TMEM229B: variants seen among roughly 807,000 people sequenced by gnomAD.
The protein encoded by TMEM229B is transmembrane protein 229B, also known as chromosome 14 open reading frame 83.
Under a neutral mutation model 13.7 loss-of-function variants are expected in TMEM229B, and 6 were observed. The observed-to-expected ratio is 0.44, with a 90% confidence interval of 0.24 to 0.86. TMEM229B has a LOEUF of 0.86. Ranked by LOEUF, TMEM229B falls within the 40% of genes least tolerant of loss-of-function variation. The pLI is 0.23. For missense variants in TMEM229B, 170 were observed against 236.0 expected, an observed-to-expected ratio of 0.72 and a Z score of 1.83; for synonymous variants, 107 against 102.1, an observed-to-expected ratio of 1.05 and a Z score of -0.29.
At position 67,497,375 on chromosome 14, in the gene TMEM229B, G is replaced by A. The variant is rs144504207; in HGVS notation, c.-191-10203C>T. ...ATACCGAGACACTGTAGCGCAGGCCGAGAACGCAGGTATCCCAGTCCTGGG... is the reference window on the plus strand; with the variant it reads ...ATACCGAGACACTGTAGCGCAGGCCAAGAACGCAGGTATCCCAGTCCTGGG... On this transcript the variant is annotated intron_variant, in intron 1 of 2. Transcript: ENST00000357461. Among the ~76,000 whole-genome samples the A allele has an allele frequency of 1.1e-4, 17 of 152,196 alleles. 2 individuals are homozygous for A. Among genetic ancestry groups the A allele is most frequent in the African/African-American group, 3.4e-4 (14 of 41,514 alleles).
chr14:67,479,914 G>C (rs965659719), intron 2 of TMEM229B, among the ~76,000 whole-genome samples: 1 of 152,142 alleles, frequency 6.6e-6, no homozygotes, highest in Non-Finnish European at 1.5e-5. Flanking sequence ...TGGCCAGCTG[G>C]TTAAGTTCAG....
chr14:67,494,401 A>T (rs2032286854), intron 1 of TMEM229B, among the ~76,000 whole-genome samples: 1 of 152,206 alleles, frequency 6.6e-6, no homozygotes, highest in Non-Finnish European at 1.5e-5. Flanking sequence ...TCACAGTGCT[A>T]GTAAGGGCAG....
chr14:67,501,044 TTAATAA>T (rs71129826), intron 1 of TMEM229B, among the ~76,000 whole-genome samples: 7,555 of 137,310 alleles, frequency 0.055, 221 homozygotes, highest in African/African-American at 0.07. Context: ...TACTTGGGGG[TTAATAA>T]TAATAATAAT....
At chr14:67,478,820 T>A (rs1000810147) in intron 2 of TMEM229B, among the ~76,000 whole-genome samples, 7 of 152,118 alleles carry the variant, frequency 4.6e-5, no homozygotes, top group South Asian at 2.1e-4. Flanking sequence ...CCCTTCTCTG[T>A]GGTAATAGTG....
intron 1 of TMEM229B, among the ~76,000 whole-genome samples, chr14:67,500,156 C>T (rs964548733): frequency 1.3e-5 from 2 of 151,970 alleles, no homozygotes; most frequent in African/African-American, 2.4e-5. Context: ...AGAGTGAGAC[C>T]CTGTCTCTTA....
At chr14:67,487,948 T>A (rs182220261) in intron 1 of TMEM229B, among the ~76,000 whole-genome samples, 1 of 152,228 alleles carries the variant, frequency 6.6e-6, no homozygotes, top group South Asian at 2.1e-4. Flanking sequence ...ATGTTTTTAC[T>A]ACTATCCCTA....
chr14:67,530,367 A>G (rs1004110316), intron 1 of TMEM229B, among the ~76,000 whole-genome samples: 1 of 152,136 alleles, frequency 6.6e-6, no homozygotes, highest in Non-Finnish European at 1.5e-5. Flanking sequence ...TAAGTGATAA[A>G]GCTTAAACTG....
At chr14:67,505,415 C>T (rs1409721757) in intron 1 of TMEM229B, among the ~76,000 whole-genome samples, 5 of 152,204 alleles carry the variant, frequency 3.3e-5, no homozygotes, top group Admixed American at 3.3e-4. Context: ...CCTCTTGAGA[C>T]ATCCAAAGGG....
intron 2 of TMEM229B, among the ~76,000 whole-genome samples, chr14:67,482,066 G>A (rs1386973118): frequency 6.6e-6 from 1 of 152,214 alleles, no homozygotes; most frequent in Non-Finnish European, 1.5e-5. Flanking sequence ...CCTCATACCT[G>A]ATGAAAGGGC....
At chr14:67,491,082 T>C (rs941366576), upstream of TMEM229B, among the ~76,000 whole-genome samples, 4 of 152,216 alleles carry the variant, frequency 2.6e-5, no homozygotes, top group Non-Finnish European at 5.9e-5. Context: ...TCGTCACCTA[T>C]ACTTCTGAAC....
rs1425860947 is a variant in TMEM229B at position 67,473,183 on chromosome 14, C to T, written c.*237G>A. ...CCTGGTACCAACCCCTGAACTGGGCCGCGATCCATGGACCCTTCCCAATGT... is the reference window on the plus strand; with the variant it reads ...CCTGGTACCAACCCCTGAACTGGGCTGCGATCCATGGACCCTTCCCAATGT... On this transcript the variant is annotated 3_prime_UTR_variant, in exon 3 of 3. Transcript: ENST00000554480. This position sits in a 1 kb window ranked among gnomAD's most constrained non-coding sequence, Gnocchi z 6.5. 7.2e-6 allele frequency: 4 copies of T among 557,124 alleles called. No individual in the cohort carries two copies. Among genetic ancestry groups the T allele is most frequent in the Non-Finnish European group, 1.3e-5 (4 of 315,468 alleles). The allele number at this position is 557,124 out of a possible 1,614,324, so 34.5% of individuals were successfully genotyped here.
intron 2 of TMEM229B, among the ~76,000 whole-genome samples, chr14:67,474,911 CTTCTT>C (rs1227045145): frequency 1.0e-4 from 13 of 124,378 alleles, no homozygotes; most frequent in African/African-American, 4.8e-4. Flanking sequence ...TCAGAATTTC[CTTCTT>C]TTTTTTTTTT....
upstream of TMEM229B, among the ~76,000 whole-genome samples, chr14:67,519,851 T>C (rs1311035300): frequency 2.6e-5 from 4 of 152,154 alleles, no homozygotes; most frequent in Non-Finnish European, 5.9e-5. Context: ...GCCTCCCATG[T>C]AGCTGGGACT....
At chr14:67,520,370 C>G (rs1192868277), upstream of TMEM229B, among the ~76,000 whole-genome samples, 1 of 152,236 alleles carries the variant, frequency 6.6e-6, no homozygotes, top group African/African-American at 2.4e-5. Flanking sequence ...CTGGCAACCA[C>G]TGTTCTTTTC....
chr14:67,500,222 T>A (rs1030847160), intron 1 of TMEM229B, among the ~76,000 whole-genome samples: 1 of 152,022 alleles, frequency 6.6e-6, no homozygotes, highest in African/African-American at 2.4e-5. Flanking sequence ...ATACCTGTAA[T>A]CCCAGCACTT....
At chr14:67,522,098 G>A (rs570961692) in intron 1 of TMEM229B, among the ~76,000 whole-genome samples, 140 of 152,300 alleles carry the variant, frequency 9.2e-4, no homozygotes, top group African/African-American at 3.2e-3. Flanking sequence ...GCTTGAACCC[G>A]GGAGGCGGAG....
intron 1 of TMEM229B, among the ~76,000 whole-genome samples, chr14:67,511,185 G>A (rs1051331524): frequency 1.3e-5 from 2 of 152,082 alleles, no homozygotes; most frequent in Non-Finnish European, 2.9e-5. Context: ...GATGGCATTC[G>A]TCATTCAAGT....
rs1206156671 is a variant in TMEM229B, at chr14:67,473,700, A to T, written c.224T>A (p.Leu75Gln). 1.3e-6 allele frequency: 2 copies of T among 1,594,854 alleles called. No homozygotes were observed. Among genetic ancestry groups the T allele is most frequent in the Non-Finnish European group, 1.7e-6 (2 of 1,171,024 alleles). ...LRLRGRCPLL[L>Q]RCLIYTLWTY... is the part of the protein sequence containing the mutation. ...CCAGAGCGTGTAGATGAGGCAGCGCAGGAGCAGCGGGCAGCGGCCGCGCAG... is the reference window on the plus strand; with the variant it reads ...CCAGAGCGTGTAGATGAGGCAGCGCTGGAGCAGCGGGCAGCGGCCGCGCAG... The change falls in exon 3 of 3, where the codon CTG (leucine) becomes CAG (glutamine). Residue 75 changes from leucine (L) to glutamine (Q), a missense_variant. By Grantham distance (113) the Leu-to-Gln change is moderately radical (BLOSUM62 -2). This residue lies in a region of TMEM229B where 57 missense variants were observed against 66.7 expected (regional missense o/e 0.85). Transcript: ENST00000554480. The surrounding 1 kb of genome is among the most constrained non-coding windows in gnomAD (Gnocchi z 6.5).
upstream of TMEM229B, among the ~76,000 whole-genome samples, chr14:67,492,539 G>C (rs2032210563): frequency 6.6e-6 from 1 of 152,178 alleles, no homozygotes; most frequent in Non-Finnish European, 1.5e-5. Flanking sequence ...GGGTGTCCTG[G>C]AGGTTACCCT....
Sources: gnomAD v4.1 joint callset for allele counts (sites outside exome capture counted in the v4.1 genomes callset) on GRCh38, gnomAD v4.1.1 for gene constraint, gnomAD v4.1.1 regional missense constraint, Gnocchi (gnomAD v3.1) non-coding constraint, MANE v1.5 for transcripts, NCBI Gene and HGNC (gene_info 2026-07-23, HGNC 2026-07-21) for gene names.